TLE4: variants seen among roughly 807,000 people sequenced by gnomAD.
TLE4 encodes TLE family member 4, transcriptional corepressor, also known as transducin-like enhancer protein 4.
Under a neutral mutation model 92.8 loss-of-function variants are expected in TLE4, and 8 were observed. The observed-to-expected ratio is 0.09, with a 90% confidence interval of 0.05 to 0.16. TLE4 has a LOEUF of 0.16. Among genes scored for constraint, TLE4 ranks in the 10% least tolerant of loss-of-function variants. TLE4 has a pLI of 1.00. For missense variants in TLE4, 675 were observed against 997.6 expected, an observed-to-expected ratio of 0.68 and a Z score of 4.36; for synonymous variants, 371 against 374.1, an observed-to-expected ratio of 0.99 and a Z score of 0.10.
intron 16 of TLE4, among the ~76,000 whole-genome samples, chr9:79,721,473 T>A (rs1291684156): frequency 1.3e-5 from 2 of 152,204 alleles, no homozygotes; most frequent in African/African-American, 4.8e-5. Context: ...TTTCAGAGAT[T>A]TTTTTCCCAT....
At position 79,647,134 on chromosome 9, in the gene TLE4, G is replaced by A. The variant is rs564877718; in HGVS notation, c.391-5459G>A. Among the ~76,000 whole-genome samples, 5 of 152,236 alleles carry A rather than the reference G, an allele frequency of 3.3e-5. No homozygotes were observed. The South Asian group carries it at 1.0e-3, about 32-fold the overall frequency. On this transcript the variant is annotated intron_variant, in intron 6 of 19. Coordinates refer to ENST00000376552, the MANE Select transcript of TLE4 (RefSeq NM_007005.6). ...ATTAGTGGAACAACTACAGAAATCT[G>A]CATAAAGTCTCTAGTTTGGTGAATA... is the stretch of plus-strand genomic sequence containing the variant.
chr9:79,679,830 C>G (rs1048107119), intron 8 of TLE4, among the ~76,000 whole-genome samples: 4 of 152,110 alleles, frequency 2.6e-5, no homozygotes, highest in African/African-American at 9.7e-5. Context: ...CAGCTTTCTA[C>G]ATATGGCTAG....
intron 8 of TLE4, among the ~76,000 whole-genome samples, chr9:79,691,245 G>A (rs1412483034): frequency 6.6e-6 from 1 of 152,084 alleles, no homozygotes; most frequent in Admixed American, 6.6e-5. Flanking sequence ...AACAGCATGA[G>A]TAAAGTAGGG....
At chr9:79,662,697 AAAT>A (rs1205605919) in intron 8 of TLE4, among the ~76,000 whole-genome samples, 12 of 152,146 alleles carry the variant, frequency 7.9e-5, no homozygotes, top group African/African-American at 2.7e-4. Flanking sequence ...CAGGTGTTGG[AAAT>A]AATATGGAAA....
At chr9:79,618,387 C>A (rs2050150967) in intron 5 of TLE4, among the ~76,000 whole-genome samples, 2 of 152,148 alleles carry the variant, frequency 1.3e-5, no homozygotes, top group Non-Finnish European at 2.9e-5. Context: ...AGAAGAGTCA[C>A]CCATCAGGTA....
intron 4 of TLE4, among the ~76,000 whole-genome samples, chr9:79,590,235 T>C (rs1031367677): frequency 2.6e-5 from 4 of 152,192 alleles, no homozygotes; most frequent in African/African-American, 9.7e-5. Context: ...GCTTGTTTGC[T>C]TGAACATTTT....
chr9:79,706,746 G>C lies in TLE4; in HGVS notation c.784-1G>C, dbSNP rs777230197. The C allele has an allele frequency of 6.2e-7, 1 of 1,612,866 alleles. No individual in the cohort carries two copies. The highest frequency in any genetic ancestry group is 1.1e-5 in the South Asian group (1 of 90,938). ...TTACTGTCCACGATGTTCCTTTGTA[G>C]GATCCATCTTCCCCTCGAGGGAGCC... On this transcript the variant is annotated splice_acceptor_variant, in intron 10 of 19. Transcript: ENST00000376552. LOFTEE classifies it high-confidence loss of function.
chr9:79,690,725 C>G (rs911368416), intron 8 of TLE4, among the ~76,000 whole-genome samples: 1 of 146,814 alleles, frequency 6.8e-6, no homozygotes, highest in African/African-American at 2.5e-5. Context: ...GATCTTCCCA[C>G]TTTAACCTTC....
intron 8 of TLE4, among the ~76,000 whole-genome samples, chr9:79,703,931 C>T (rs951472981): frequency 1.3e-5 from 2 of 151,930 alleles, no homozygotes; most frequent in African/African-American, 2.4e-5. Context: ...ATTACTTTCC[C>T]CCCTTTTTTT....
At chr9:79,688,374 A>G (rs2066336754) in intron 8 of TLE4, among the ~76,000 whole-genome samples, 1 of 152,062 alleles carries the variant, frequency 6.6e-6, no homozygotes, top group Non-Finnish European at 1.5e-5. Flanking sequence ...AGTCCTCATA[A>G]CTGATTAAAT....
At chr9:79,673,864 C>G (rs577910074) in intron 8 of TLE4, among the ~76,000 whole-genome samples, 15 of 152,020 alleles carry the variant, frequency 9.9e-5, no homozygotes, top group Non-Finnish European at 2.1e-4. Context: ...TAGTTTTTGC[C>G]CCGACCCCTG....
At chr9:79,681,764 A>G (rs1027423144) in intron 8 of TLE4, among the ~76,000 whole-genome samples, 6 of 151,254 alleles carry the variant, frequency 4.0e-5, no homozygotes, top group Non-Finnish European at 7.4e-5. Flanking sequence ...GGAGAGAAAG[A>G]GAGGGAGGGA....
intron 8 of TLE4, among the ~76,000 whole-genome samples, chr9:79,683,657 G>A (rs1375882615): frequency 6.6e-6 from 1 of 152,110 alleles, no homozygotes; most frequent in Non-Finnish European, 1.5e-5. Context: ...GATAAGGTGT[G>A]GTTAATCTCA....
intron 6 of TLE4, among the ~76,000 whole-genome samples, chr9:79,638,028 G>A (rs561740371): frequency 6.6e-5 from 10 of 152,220 alleles, no homozygotes; most frequent in Non-Finnish European, 1.3e-4. Context: ...ATATTTGCCC[G>A]TAGCAGCGTG....
intron 8 of TLE4, among the ~76,000 whole-genome samples, chr9:79,683,777 G>T (rs1194405479): frequency 6.6e-6 from 1 of 152,142 alleles, no homozygotes; most frequent in Non-Finnish European, 1.5e-5. Context: ...CTCTAGCTTT[G>T]TGACCTTAAG....
In TLE4 at chr9:79,580,954, T is replaced by C. The variant is rs570621479; in HGVS notation, c.252+4777T>C. On this transcript the variant is annotated intron_variant, in intron 4 of 19. Coordinates refer to ENST00000376552, the MANE Select transcript of TLE4 (RefSeq NM_007005.6). ...GTGAAATTTTGATGTCTGCATAAAC[T>C]TCAGATACAATTATAAGACTATGTG... 1.8e-4 allele frequency among the ~76,000 whole-genome samples: 28 copies of C among 152,274 alleles called. No homozygotes were observed. In the South Asian group the frequency reaches 5.8e-3, roughly 32 times the overall value.
intron 4 of TLE4, among the ~76,000 whole-genome samples, chr9:79,581,703 GGAC>G (rs1016624701): frequency 1.3e-5 from 2 of 152,188 alleles, no homozygotes; most frequent in Non-Finnish European, 2.9e-5. Context: ...GGTGGATTCA[GGAC>G]TTCAAATAAA....
chr9:79,694,305 TG>T (rs771724404), intron 8 of TLE4, among the ~76,000 whole-genome samples: 4 of 152,176 alleles, frequency 2.6e-5, no homozygotes, highest in Non-Finnish European at 5.9e-5. Flanking sequence ...GATCTTTTGC[TG>T]GGGGAGGGTG....
chr9:79,652,348 G>A (rs944935491), intron 6 of TLE4, among the ~76,000 whole-genome samples: 3 of 152,084 alleles, frequency 2.0e-5, no homozygotes, highest in Admixed American at 6.6e-5. Context: ...CACCACACCC[G>A]GCTAATGTTT....
Sources: allele counts gnomAD v4.1 joint callset (sites outside exome capture counted in the v4.1 genomes callset), GRCh38; gene constraint gnomAD v4.1.1; transcripts MANE v1.5; gene names NCBI Gene and HGNC (gene_info 2026-07-23, HGNC 2026-07-21).